NBEA: variants seen among roughly 807,000 people sequenced by gnomAD.
The protein encoded by NBEA is lysosomal-trafficking regulator 2.
Under a neutral mutation model 343.4 loss-of-function variants are expected in NBEA, and 44 were observed. The ratio of observed to expected loss-of-function variants is 0.13; its 90% CI spans 0.10 to 0.16. The LOEUF (loss-of-function observed/expected upper bound fraction) is 0.16. NBEA is among the 10% of genes least tolerant of loss of function. The pLI, the probability that NBEA is intolerant of heterozygous loss-of-function variation, is 1.00. For synonymous variants in NBEA, 1,175 were observed against 1,238.7 expected, an observed-to-expected ratio of 0.95 and a Z score of 1.08; for missense variants, 2,555 against 3,631.3, an observed-to-expected ratio of 0.70 and a Z score of 7.62.
intron 10 of NBEA, among the ~76,000 whole-genome samples, chr13:35,082,722 A>G (rs1459411045): frequency 1.3e-5 from 2 of 152,176 alleles, no homozygotes; most frequent in African/African-American, 2.4e-5. Context: ...TCTTCTTTTC[A>G]GAAGTGTCTG....
intron 1 of NBEA, among the ~76,000 whole-genome samples, chr13:35,010,738 AAAAATAT>A (rs1187578453): frequency 6.2e-5 from 2 of 32,066 alleles, no homozygotes; most frequent in Admixed American, 4.3e-4. Flanking sequence ...AAAAAAAAAA[AAAAATAT>A]ATATATATAT....
intron 41 of NBEA, among the ~76,000 whole-genome samples, chr13:35,544,286 C>A (rs1444175291): frequency 6.6e-6 from 1 of 151,724 alleles, no homozygotes; most frequent in Non-Finnish European, 1.5e-5. Context: ...AGATTTTTTT[C>A]GTATTCAAAG....
chr13:35,024,478 C>G (rs2068153119), intron 1 of NBEA, among the ~76,000 whole-genome samples: 1 of 151,920 alleles, frequency 6.6e-6, no homozygotes, highest in Non-Finnish European at 1.5e-5. Context: ...TCAAGACCAG[C>G]CAGACCAACC....
At chr13:35,332,500 G>T (rs1847761289) in intron 36 of NBEA, among the ~76,000 whole-genome samples, 1 of 152,094 alleles carries the variant, frequency 6.6e-6, no homozygotes, top group Non-Finnish European at 1.5e-5. Flanking sequence ...GTTGTGGGTA[G>T]CCACTGGAAA....
chr13:35,011,116 T>C (rs1482883059), intron 1 of NBEA, among the ~76,000 whole-genome samples: 1 of 152,022 alleles, frequency 6.6e-6, no homozygotes, highest in South Asian at 2.1e-4. Context: ...AGGTGGGCTC[T>C]GTATAGTCCT....
intron 41 of NBEA, among the ~76,000 whole-genome samples, chr13:35,484,086 T>TAA (rs1052911632): frequency 4.6e-5 from 7 of 152,054 alleles, no homozygotes; most frequent in African/African-American, 1.2e-4. Flanking sequence ...ATTTTTAAAA[T>TAA]AACACGGGAA....
At chr13:35,044,915 A>AGAT in intron 2 of NBEA, 32 bp from the exon 3 acceptor site, 1 of 1,544,590 alleles carries the variant, frequency 6.5e-7, no homozygotes, top group Non-Finnish European at 8.9e-7. Flanking sequence ...GCTCATGACT[A>AGAT]GAGTTCAGAA....
chr13:34,987,938 A>G lies in NBEA; in HGVS notation c.294+44824A>G, dbSNP rs1328266189. On this transcript the variant is annotated intron_variant, in intron 1 of 58. Transcript: ENST00000379939. Reference sequence around the variant, plus strand: ...TTTAGCTTCCTTGCAATGGGTTTGAACATCCTCCTTTAGCTCGGAGATGTT... The same window carrying G: ...TTTAGCTTCCTTGCAATGGGTTTGAGCATCCTCCTTTAGCTCGGAGATGTT... 2.0e-5 allele frequency among the ~76,000 whole-genome samples: 3 copies of G among 150,786 alleles called. 1 individual carries two copies. Among genetic ancestry groups the G allele is most frequent in the Admixed American group, 6.6e-5 (1 of 15,118 alleles).
At chr13:35,151,676 TTATGTC>T (rs1372333671) in intron 18 of NBEA, among the ~76,000 whole-genome samples, 1 of 152,136 alleles carries the variant, frequency 6.6e-6, no homozygotes, top group East Asian at 1.9e-4. Context: ...AATAAATTAT[TTATGTC>T]TATAGTTTTC....
At chr13:34,947,460 G>T (rs1450555376) in intron 1 of NBEA, among the ~76,000 whole-genome samples, 3 of 151,874 alleles carry the variant, frequency 2.0e-5, no homozygotes, top group Non-Finnish European at 2.9e-5. Flanking sequence ...TGTGTCACTG[G>T]TATAGCTGTA....
At chr13:35,076,282 G>GAT (rs2064113839) in intron 10 of NBEA, among the ~76,000 whole-genome samples, 1 of 151,796 alleles carries the variant, frequency 6.6e-6, no homozygotes, top group Non-Finnish European at 1.5e-5. Flanking sequence ...ATTTTGAAGT[G>GAT]ATAGACACAA....
chr13:35,120,992 G>A (rs376169070), intron 16 of NBEA, among the ~76,000 whole-genome samples: 42 of 152,080 alleles, frequency 2.8e-4, no homozygotes, highest in African/African-American at 9.4e-4. Flanking sequence ...CCCAGGGTGG[G>A]GTCTAATACC....
At chr13:35,240,510 A>G (rs965996239) in intron 34 of NBEA, among the ~76,000 whole-genome samples, 10 of 151,916 alleles carry the variant, frequency 6.6e-5, no homozygotes, top group African/African-American at 2.4e-4. Flanking sequence ...AAATCTGTAT[A>G]TTCAACGTGT....
Position 35,437,365 on chromosome 13 carries a change from A to G in NBEA, c.6304+4972A>G, listed in dbSNP as rs1483637246. Among the ~76,000 whole-genome samples, 4 of 152,270 alleles carry G rather than the reference A, an allele frequency of 2.6e-5. No homozygotes were observed. In the South Asian group the frequency reaches 8.3e-4, roughly 32 times the overall value. On this transcript the variant is annotated intron_variant, in intron 39 of 58. Coordinates refer to ENST00000379939, the MANE Select transcript of NBEA (RefSeq NM_001385012.1). ...AGGAAAATAATTTTATTTCATATTT[A>G]CTTTGAAAAGCTTTCCCTTCAATTT... is the stretch of plus-strand genomic sequence containing the variant.
At chr13:35,579,300 ACT>A (rs943628141) in intron 45 of NBEA, among the ~76,000 whole-genome samples, 52 of 151,964 alleles carry the variant, frequency 3.4e-4, no homozygotes, top group African/African-American at 1.2e-3. Flanking sequence ...TAAATCAATA[ACT>A]CTGTGCTCAG....
chr13:35,648,313 T>G (rs4943310), intron 51 of NBEA, among the ~76,000 whole-genome samples: 13,989 of 151,840 alleles, frequency 0.092, 951 homozygotes, highest in East Asian at 0.28. Context: ...CAGAAAGGTT[T>G]GCACCAAGCT....
At chr13:35,205,274 A>G (rs1005528342) in intron 31 of NBEA, among the ~76,000 whole-genome samples, 1 of 152,174 alleles carries the variant, frequency 6.6e-6, no homozygotes, top group Non-Finnish European at 1.5e-5. Flanking sequence ...AATCGGTCAA[A>G]TACAGGTTCC....
chr13:35,063,225 C>T (rs2063527206), intron 8 of NBEA, among the ~76,000 whole-genome samples: 1 of 152,004 alleles, frequency 6.6e-6, no homozygotes, highest in Admixed American at 6.6e-5. Flanking sequence ...GGGCACTGTT[C>T]TAGATGCTAG....
intron 10 of NBEA, among the ~76,000 whole-genome samples, chr13:35,090,104 A>G (rs1289516074): frequency 6.7e-6 from 1 of 150,172 alleles, no homozygotes; most frequent in Non-Finnish European, 1.5e-5. Flanking sequence ...ATCTGGCTGT[A>G]TTAGTCAGTG....
Sources: gnomAD v4.1 joint callset for allele counts (sites outside exome capture counted in the v4.1 genomes callset) on GRCh38, gnomAD v4.1.1 for gene constraint, MANE v1.5 for transcripts, NCBI Gene and HGNC (gene_info 2026-07-23, HGNC 2026-07-21) for gene names.